CAST: variants seen among roughly 807,000 people sequenced by gnomAD.
The protein encoded by CAST is MIR583 host.
A neutral mutation model predicts 119.6 loss-of-function variants in CAST; 76 were observed. The observed-to-expected ratio is 0.64, with a 90% CI of 0.53 to 0.77. CAST has a LOEUF of 0.77. Ranked by LOEUF, CAST falls within the 30% of genes least tolerant of loss-of-function variation. The probability of loss-of-function intolerance (pLI) is 0.00; values close to 1 mark genes in which losing one functional copy is unlikely to be tolerated. For synonymous variants in CAST, 319 were observed against 331.6 expected (o/e 0.96, Z 0.41); for missense variants, 953 against 946.5 (o/e 1.01, Z -0.09).
At chr5:96,038,656 G>A in the CAST span, among the ~76,000 whole-genome samples, 3 of 151,656 alleles carry the variant, frequency 2.0e-5, no homozygotes. Flanking sequence ...TTTGCTGAGA[G>A]TGATGGTTTC....
At chr5:96,188,546 A>G in the CAST span, among the ~76,000 whole-genome samples, 1 of 152,036 alleles carries the variant, frequency 6.6e-6, no homozygotes, top group South Asian at 2.1e-4. Flanking sequence ...ATAATTGTCT[A>G]TCCCATTTCT....
the CAST span, among the ~76,000 whole-genome samples, chr5:96,419,379 A>G: frequency 8.0e-6 from 1 of 125,244 alleles, no homozygotes; most frequent in Non-Finnish European, 1.6e-5. Flanking sequence ...GTTATATAAT[A>G]CTTATTATAT....
At chr5:96,123,124 G>T in the CAST span, among the ~76,000 whole-genome samples, 3 of 152,040 alleles carry the variant, frequency 2.0e-5, no homozygotes, top group Non-Finnish European at 4.4e-5. Context: ...TGCATCAATG[G>T]TCTCTTTGAT....
the CAST span, among the ~76,000 whole-genome samples, chr5:96,065,422 T>TAC: frequency 6.6e-6 from 1 of 151,594 alleles, no homozygotes; most frequent in African/African-American, 2.4e-5. Flanking sequence ...TGTGTGTGTG[T>TAC]GTGTGTGTGT....
chr5:96,594,059 G>A (rs1747011494), intron 1 of CAST, among the ~76,000 whole-genome samples: 1 of 152,216 alleles, frequency 6.6e-6, no homozygotes, highest in Admixed American at 6.5e-5. Flanking sequence ...CAAAATTATA[G>A]TACAAGGTAA....
intron 25 of CAST, chr5:96,762,765 T>G (rs1768441447): frequency 4.0e-6 from 1 of 247,750 alleles, no homozygotes; most frequent in African/African-American, 2.2e-5. Flanking sequence ...TTATTTAACC[T>G]CAAGTTTATT....
intron 1 of CAST, among the ~76,000 whole-genome samples, chr5:96,620,418 G>T (rs1318824075): frequency 1.3e-5 from 2 of 151,830 alleles, no homozygotes; most frequent in Non-Finnish European, 2.9e-5. Context: ...CTAGCAGTAT[G>T]CTTCATGATC....
intron 1 of CAST, among the ~76,000 whole-genome samples, chr5:96,624,171 T>C (rs1747671425): frequency 6.6e-6 from 1 of 152,220 alleles, no homozygotes; most frequent in Non-Finnish European, 1.5e-5. Context: ...TAACCACAAC[T>C]AATTCAAGGG....
At chr5:96,499,038 A>G in the CAST span, among the ~76,000 whole-genome samples, 4 of 151,870 alleles carry the variant, frequency 2.6e-5, no homozygotes, top group South Asian at 2.1e-4. Flanking sequence ...GGAAAAAAAA[A>G]AAAAAAGAAA....
chr5:96,254,411 CT>C, the CAST span, among the ~76,000 whole-genome samples: 1 of 152,176 alleles, frequency 6.6e-6, no homozygotes, highest in East Asian at 1.9e-4. Context: ...GGAATAGAAA[CT>C]AAATTCCATA....
rs1342955210 is a variant in CAST, at chr5:96,740,772, G to T, written c.907G>T (p.Ala303Ser). 1.3e-6 allele frequency: 2 copies of T among 1,596,282 alleles called. No individual in the cohort carries two copies. The highest frequency in any genetic ancestry group is 1.3e-5 in the African/African-American group (1 of 74,666). The change falls in exon 13 of 32, where the codon GCA becomes TCA. Residue 303 changes from alanine (A) to serine (S), a missense_variant. Coordinates refer to ENST00000675179, the MANE Select transcript of CAST (RefSeq NM_001750.7). ...AKKEGITGPP[A>S]DSSKPIGPDD... ...AAAGGAAGGGATCACAGGGCCTCCTGCAGACTCTTCGGTGAGTTTACATAC... is the reference window on the plus strand; with the variant it reads ...AAAGGAAGGGATCACAGGGCCTCCTTCAGACTCTTCGGTGAGTTTACATAC...
At chr5:96,622,115 A>T (rs2611715) in intron 1 of CAST, among the ~76,000 whole-genome samples, 1 of 151,266 alleles carries the variant, frequency 6.6e-6, no homozygotes, top group African/African-American at 2.4e-5. Flanking sequence ...GATTACAGGC[A>T]CCCACCACCA....
At chr5:96,592,620 C>T (rs192452482) in intron 1 of CAST, among the ~76,000 whole-genome samples, 175 of 152,080 alleles carry the variant, frequency 1.2e-3, no homozygotes, top group African/African-American at 4.1e-3. Context: ...TTTTCCAAAC[C>T]TATTTTCCAC....
chr5:96,145,804 G>A, the CAST span, among the ~76,000 whole-genome samples: 1 of 152,106 alleles, frequency 6.6e-6, no homozygotes, highest in Non-Finnish European at 1.5e-5. Context: ...TGTTCAACTG[G>A]GAGGTTCTTC....
chr5:96,164,837 T>A, the CAST span, among the ~76,000 whole-genome samples: 1 of 152,306 alleles, frequency 6.6e-6, no homozygotes, highest in Non-Finnish European at 1.5e-5. Context: ...TTTCTCTTTT[T>A]AGACTGATTC....
rs113429163 is a variant in CAST at position 96,604,231 on chromosome 5, T to C, written c.61-71308T>C. On this transcript the variant is annotated intron_variant, in intron 1 of 11. Coordinates refer to the CAST transcript ENST00000505143. The stretch of plus-strand genomic sequence containing the variant: ...CCACCTTCCTATATGCAGTCCTTGG[T>C]TGACCAAAACATTGTTATGTAACAC... 2.0e-4 allele frequency among the ~76,000 whole-genome samples: 31 copies of C among 152,346 alleles called. 1 individual carries two copies. Among genetic ancestry groups the C allele is most frequent in the Admixed American group, 1.2e-3 (18 of 15,306 alleles).
At chr5:96,108,846 T>G in the CAST span, among the ~76,000 whole-genome samples, 530 of 152,322 alleles carry the variant, frequency 3.5e-3, 2 homozygotes, top group African/African-American at 4.5e-3. Context: ...TGCAGTTGGA[T>G]CTCAGACTCC....
chr5:96,514,143 G>T, the CAST span, among the ~76,000 whole-genome samples: 4 of 152,108 alleles, frequency 2.6e-5, no homozygotes, highest in Non-Finnish European at 5.9e-5. Flanking sequence ...TCTAAATAAG[G>T]TCACATTCTG....
Position 96,774,617 on chromosome 5 carries a change from T to C in CAST, c.*2001T>C. On this transcript the variant is annotated 3_prime_UTR_variant, in exon 32 of 32. Transcript: ENST00000675179. ...TTCCTCAGGTGACCAAAACTGAAAA[T>C]CAATATTTCCATGTTTCATTAATCA... 1 of 985,426 alleles carries C rather than the reference T, an allele frequency of 1.0e-6. No homozygotes were observed. Among genetic ancestry groups the C allele is most frequent in the Non-Finnish European group, 1.2e-6 (1 of 829,814 alleles). The allele number at this position is 985,426 out of a possible 1,614,324, so 61.0% of individuals were successfully genotyped here. A position where few individuals can be genotyped will look rare whatever the true frequency, so the allele number is the denominator to read the frequency against.
Sources: allele counts gnomAD v4.1 joint callset (sites outside exome capture counted in the v4.1 genomes callset), GRCh38; gene constraint gnomAD v4.1.1; transcripts MANE v1.5; gene names NCBI Gene and HGNC (gene_info 2026-07-23, HGNC 2026-07-21).